The following APAF1 variants were observed in gnomAD, a reference collection of about 807,000 sequenced individuals.
APAF1 encodes apoptotic protease-activating factor 1.
APAF1 carries 91 observed loss-of-function variants against 152.4 expected under a neutral mutation model. The ratio of observed to expected loss-of-function variants is 0.60; its 90% CI spans 0.50 to 0.71. APAF1 has a LOEUF of 0.71. Among genes scored for constraint, APAF1 ranks in the 30% least tolerant of loss-of-function variants. The pLI, the probability that APAF1 is intolerant of heterozygous loss-of-function variation, is 0.00. For missense variants in APAF1, 1,283 were observed against 1,472.0 expected, an observed-to-expected ratio of 0.87 and a Z score of 2.10; for synonymous variants, 484 against 494.1, an observed-to-expected ratio of 0.98 and a Z score of 0.27.
At chr12:98,691,111 G>A (rs1449789207) in intron 16 of APAF1, among the ~76,000 whole-genome samples, 1 of 152,162 alleles carries the variant, frequency 6.6e-6, no homozygotes, top group East Asian at 1.9e-4. Flanking sequence ...GGAGGCTGAG[G>A]CAGGAGAATT....
intron 3 of APAF1, 46 bp downstream of exon 3, chr12:98,648,861 T>G: frequency 6.4e-7 from 1 of 1,570,484 alleles, no homozygotes; most frequent in Middle Eastern, 1.7e-4. Flanking sequence ...CAAAATTGCT[T>G]TGGGTTTGTC....
At chr12:98,666,892 C>T (rs2097673573) in intron 9 of APAF1, among the ~76,000 whole-genome samples, 1 of 152,012 alleles carries the variant, frequency 6.6e-6, no homozygotes, top group Non-Finnish European at 1.5e-5. Flanking sequence ...TGCCATGTTG[C>T]CCAGGCTGTT....
intron 17 of APAF1, among the ~76,000 whole-genome samples, chr12:98,701,140 A>G (rs1213484333): frequency 6.6e-6 from 1 of 152,214 alleles, no homozygotes; most frequent in Non-Finnish European, 1.5e-5. Context: ...TCTGTCAAGT[A>G]TATATTTATG....
At chr12:98,700,393 T>C (rs1487996672) in intron 17 of APAF1, among the ~76,000 whole-genome samples, 2 of 152,204 alleles carry the variant, frequency 1.3e-5, no homozygotes, top group Non-Finnish European at 2.9e-5. Flanking sequence ...AATTGAAATA[T>C]AAAATATGGT....
intron 23 of APAF1, 152 bp downstream of exon 23, chr12:98,723,464 A>G: frequency 1.9e-6 from 2 of 1,026,534 alleles, no homozygotes; most frequent in South Asian, 1.5e-5. Context: ...AGTCACCTAC[A>G]TCTGCTGTGT....
chr12:98,715,580 A>C (rs2097733891), intron 22 of APAF1, 28 bp downstream of exon 22: 1 of 1,611,830 alleles, frequency 6.2e-7, no homozygotes, highest in African/African-American at 1.3e-5. Flanking sequence ...CTCTTAACAT[A>C]TTTAATGCTG....
chr12:98,731,807 A>G (rs774388902), intron 26 of APAF1, among the ~76,000 whole-genome samples: 27 of 152,188 alleles, frequency 1.8e-4, no homozygotes, highest in Non-Finnish European at 3.2e-4. Context: ...TTATAAGCAA[A>G]TTCAGTGATT....
chr12:98,674,287 C>G (rs2097684136), intron 12 of APAF1, among the ~76,000 whole-genome samples: 1 of 152,140 alleles, frequency 6.6e-6, no homozygotes, highest in Non-Finnish European at 1.5e-5. Flanking sequence ...CCACCACACC[C>G]AGCAGGTTTT....
intron 3 of APAF1, chr12:98,649,022 C>T (rs2097645766): frequency 1.4e-6 from 1 of 713,262 alleles, no homozygotes; most frequent in East Asian, 2.7e-5. Flanking sequence ...AACTGTACTG[C>T]TGAGATAATA....
chr12:98,708,106 C>G (rs2097723818), intron 19 of APAF1, among the ~76,000 whole-genome samples: 1 of 152,158 alleles, frequency 6.6e-6, no homozygotes, highest in African/African-American at 2.4e-5. Flanking sequence ...ACCACCATGC[C>G]CAGCCAAGTT....
intron 4 of APAF1, among the ~76,000 whole-genome samples, chr12:98,657,269 C>G (rs2097658963): frequency 6.6e-6 from 1 of 152,208 alleles, no homozygotes; most frequent in Non-Finnish European, 1.5e-5. Flanking sequence ...TACTATCAGT[C>G]CTCTCCTAGA....
chr12:98,732,330 G>T (rs1049280542), intron 26 of APAF1, 90 bp from the exon 27 acceptor site: 96 of 1,160,490 alleles, frequency 8.3e-5, no homozygotes, highest in Non-Finnish European at 1.2e-4. Flanking sequence ...CGGTTGGGGG[G>T]AGGAGATAGG....
chr12:98,725,364 G>A (rs576287580), intron 24 of APAF1, 51 bp from the exon 25 acceptor site: 29 of 1,611,348 alleles, frequency 1.8e-5, no homozygotes, highest in Non-Finnish European at 2.5e-5. Flanking sequence ...CAAGGCAGAT[G>A]CTTATTTTGA....
chr12:98,652,866 T>TC (rs996190272), intron 4 of APAF1, among the ~76,000 whole-genome samples: 1 of 152,036 alleles, frequency 6.6e-6, no homozygotes, highest in African/African-American at 2.4e-5. Flanking sequence ...CCTCAGGTGA[T>TC]CCCCCTGCCT....
intron 13 of APAF1, among the ~76,000 whole-genome samples, chr12:98,678,406 C>T (rs1010100958): frequency 1.3e-5 from 2 of 152,206 alleles, no homozygotes; most frequent in Non-Finnish European, 2.9e-5. Flanking sequence ...CAAGCAGGAA[C>T]CCTACCCCTT....
chr12:98,649,838 G>A (rs923438328), intron 4 of APAF1, among the ~76,000 whole-genome samples, 154 bp downstream of exon 4: 7 of 152,170 alleles, frequency 4.6e-5, no homozygotes, highest in Non-Finnish European at 1.0e-4. Flanking sequence ...GAAGGGAGGG[G>A]ATGGATAGGA....
At chr12:98,726,130 A>G (rs1047406611) in intron 25 of APAF1, among the ~76,000 whole-genome samples, 3 of 152,218 alleles carry the variant, frequency 2.0e-5, no homozygotes, top group Non-Finnish European at 4.4e-5. Context: ...AGTGCTTAAG[A>G]TATACATACA....
intron 22 of APAF1, among the ~76,000 whole-genome samples, chr12:98,722,077 G>A (rs988156972): frequency 3.3e-5 from 5 of 151,994 alleles, no homozygotes; most frequent in South Asian, 2.1e-4. Flanking sequence ...TTTCTTCTGC[G>A]TCTCCTATGC....
At chr12:98,656,523 A>T (rs1263545744) in intron 4 of APAF1, among the ~76,000 whole-genome samples, 2 of 152,138 alleles carry the variant, frequency 1.3e-5, no homozygotes, top group African/African-American at 4.8e-5. Context: ...CTCTGTCTCC[A>T]GTTGTTTGTT....
Sources: allele counts gnomAD v4.1 joint callset (sites outside exome capture counted in the v4.1 genomes callset), GRCh38; gene constraint gnomAD v4.1.1; transcripts MANE v1.5; gene names NCBI Gene and HGNC (gene_info 2026-07-23, HGNC 2026-07-21).